Variants in TSPYL6 observed in about 807,000 individuals in gnomAD.
TSPYL6 encodes TSPY like 6, also known as testis-specific Y-encoded-like protein 6.
For missense variants in TSPYL6, 699 were observed against 531.5 expected, an observed-to-expected ratio of 1.32 and a Z score of -3.10; for synonymous variants, 259 against 214.8, an observed-to-expected ratio of 1.21 and a Z score of -1.80.
At chr2:54,255,596 C>A in the TSPYL6 span, 1 of 1,613,622 alleles carries the variant, frequency 6.2e-7, no homozygotes, top group Non-Finnish European at 8.5e-7. Flanking sequence ...GGCCCTGCCT[C>A]CCTGTTTACC....
rs1347956550 is a variant in TSPYL6 at position 54,253,885 on chromosome 2, A to G, written c.*1034T>C. On this transcript the variant is annotated 3_prime_UTR_variant, in exon 1 of 1. Transcript: ENST00000317802. Reference sequence around the variant, plus strand: ...AGAACAGCCTGCCTCTGGACATGACAAAGAGAGCCAAGAAACTAAAAAGCC... The same window carrying G: ...AGAACAGCCTGCCTCTGGACATGACGAAGAGAGCCAAGAAACTAAAAAGCC... The G allele has an allele frequency of 6.6e-6, 1 of 152,248 alleles. No homozygotes were observed. 9.4% of individuals were successfully genotyped at this position (152,248 alleles called of 1,614,324 possible).
chr2:54,255,201 G>A lies in TSPYL6; in HGVS notation c.951C>T (p.Ser317=). 6.2e-7 allele frequency: 1 copy of A among 1,614,166 alleles called. No homozygotes were observed. The highest frequency in any genetic ancestry group is 8.5e-7 in the Non-Finnish European group (1 of 1,180,032). Residue 317 remains serine, a synonymous_variant, in exon 1 of 1, where the codon TCC becomes TCT. Coordinates refer to ENST00000317802, the MANE Select transcript of TSPYL6 (RefSeq NM_001003937.3). ...KLIVKVYEVR[S]FGQVVSFSTL... The stretch of plus-strand genomic sequence containing the variant: ...TGGAAAAAGACACCACTTGGCCGAA[G>A]GATCTGACCTCATACACCTTTACAA...
chr2:54,255,949 C>T lies in TSPYL6; in HGVS notation c.203G>A (p.Gly68Asp). ...ATCGACCAAGATGTGGAAAGTATGG[C>T]CACCATCTGCGGGATCCTGGGGCGC... ...GVAPQDPADG[G>D]HTFHILVDAG... The change falls in exon 1 of 1, where the codon GGC (glycine) becomes GAC (aspartate). Residue 68 changes from glycine (G) to aspartate (D), a missense_variant. Gly to Asp is a moderately conservative substitution (Grantham distance 94, BLOSUM62 -1). Transcript: ENST00000317802. 6.2e-7 allele frequency: 1 copy of T among 1,614,100 alleles called. No homozygotes were observed. The highest frequency in any genetic ancestry group is 8.5e-7 in the Non-Finnish European group (1 of 1,180,010).
Position 54,254,786 on chromosome 2 carries a change from G to A in TSPYL6, c.*133C>T, listed in dbSNP as rs1312337340. ...GTCTCAATCTTCAGGTTGAGAGAAC[G>A]GAAAGTTTAAACAGAGGGTACAGGA... On this transcript the variant is annotated 3_prime_UTR_variant, in exon 1 of 1. Coordinates refer to ENST00000317802, the MANE Select transcript of TSPYL6 (RefSeq NM_001003937.3). 1.2e-5 allele frequency: 10 copies of A among 849,306 alleles called. No individual in the cohort carries two copies. Among genetic ancestry groups the A allele is most frequent in the South Asian group, 1.8e-5 (1 of 54,080 alleles). 52.6% of individuals were successfully genotyped at this position (849,306 alleles called of 1,614,324 possible).
In TSPYL6 at chr2:54,255,738, C is replaced by T; in HGVS notation, c.414G>A (p.Glu138=). 5.0e-6 allele frequency: 8 copies of T among 1,614,012 alleles called. No individual in the cohort carries two copies. The highest frequency in any genetic ancestry group is 6.8e-6 in the Non-Finnish European group (8 of 1,180,044). Residue 138 remains glutamate, a synonymous_variant, in exon 1 of 1, where the codon GAG becomes GAA. Transcript: ENST00000317802. ...ALETCGAGRS[E]SEVIAEGKAE... is the part of the protein sequence containing the mutation. ...CCTTCCCCTCTGCAATCACTTCAGA[C>T]TCCGACCTCCCTGCCCCACAGGTTT... is the stretch of plus-strand genomic sequence containing the variant.
Position 54,255,144 on chromosome 2 carries a change from G to C in TSPYL6, c.1008C>G (p.Pro336=), listed in dbSNP as rs771386088. 1.2e-6 allele frequency: 2 copies of C among 1,614,006 alleles called. No homozygotes were observed. The highest frequency in any genetic ancestry group is 2.2e-5 in the East Asian group (1 of 44,880). The change falls in exon 1 of 1, where the codon CCC becomes CCG. Residue 336 remains proline (P), a synonymous_variant. Coordinates refer to ENST00000317802, the MANE Select transcript of TSPYL6 (RefSeq NM_001003937.3). Reference sequence around the variant, plus strand: ...GTCGGTTCCTATGAATGAAGGACTGGGGTCCATGGCCCCGGCGCCACATGA... The same window carrying C: ...GTCGGTTCCTATGAATGAAGGACTGCGGTCCATGGCCCCGGCGCCACATGA... ...TLIMWRRGHG[P]QSFIHRNRHV...
In TSPYL6 at chr2:54,255,785, G is replaced by C; in HGVS notation, c.367C>G (p.Leu123Val). 6.2e-7 allele frequency: 1 copy of C among 1,613,798 alleles called. No individual in the cohort carries two copies. The highest frequency in any genetic ancestry group is 1.1e-5 in the South Asian group (1 of 91,076). ...NGFPGEETHG[L>V]GGEKALETCG... is the part of the protein sequence containing the mutation. ...GTTTCTAGAGCCTTCTCCCCACCTAGGCCGTGCGTCTCTTCACCCGGAAAG... is the reference window on the plus strand; with the variant it reads ...GTTTCTAGAGCCTTCTCCCCACCTACGCCGTGCGTCTCTTCACCCGGAAAG... The change falls in exon 1 of 1, where the codon CTA becomes GTA. Residue 123 changes from leucine to valine, a missense_variant. By Grantham distance (32) the Leu-to-Val change is conservative (BLOSUM62 1). Coordinates refer to ENST00000317802, the MANE Select transcript of TSPYL6 (RefSeq NM_001003937.3).
chr2:54,253,955 AG>A lies in TSPYL6; in HGVS notation c.*963del, dbSNP rs1256766756. The A allele has an allele frequency of 2.6e-5, 4 of 152,210 alleles. No individual in the cohort carries two copies. The highest frequency in any genetic ancestry group is 9.6e-5 in the African/African-American group (4 of 41,454). The allele number at this position is 152,210 out of a possible 1,614,324, so 9.4% of individuals were successfully genotyped here. A position where few individuals can be genotyped will look rare whatever the true frequency, so the allele number is the denominator to read the frequency against. On this transcript the variant is annotated 3_prime_UTR_variant, in exon 1 of 1. Coordinates refer to ENST00000317802, the MANE Select transcript of TSPYL6 (RefSeq NM_001003937.3). The stretch of plus-strand genomic sequence containing the variant: ...GAACTACTACTTTTGTTTTTTTTAA[AG>A]GAAGACAGAAGAGATTTATGAGAGA...
chr2:54,254,661 C>T lies in TSPYL6; in HGVS notation c.*258G>A, dbSNP rs868573791. 1.5e-5 allele frequency: 7 copies of T among 460,952 alleles called. No homozygotes were observed. Among genetic ancestry groups the T allele is most frequent in the East Asian group, 1.1e-4 (3 of 28,368 alleles). The allele number at this position is 460,952 out of a possible 1,614,324, so 28.6% of individuals were successfully genotyped here. A position where few individuals can be genotyped will look rare whatever the true frequency, so the allele number is the denominator to read the frequency against. The stretch of plus-strand genomic sequence containing the variant: ...ATACAGTGTAACCTACAGCATCATT[C>T]GCTTCGCTTAGAAGGATGTGACCCA... On this transcript the variant is annotated 3_prime_UTR_variant, in exon 1 of 1. Coordinates refer to ENST00000317802, the MANE Select transcript of TSPYL6 (RefSeq NM_001003937.3).
rs868790368 is a variant in TSPYL6 at position 54,255,155 on chromosome 2, C to T, written c.997G>A (p.Gly333Ser). Residue 333 changes from glycine (G) to serine (S), a missense_variant, in exon 1 of 1, where the codon GGC becomes AGC. Transcript: ENST00000317802. ...SFSTLIMWRR[G>S]HGPQSFIHRN... ...TGAATGAAGGACTGGGGTCCATGGC[C>T]CCGGCGCCACATGATTAGAGTGGAA... 3 of 1,614,116 alleles carry T rather than the reference C, an allele frequency of 1.9e-6. No homozygotes were observed. Among genetic ancestry groups the T allele is most frequent in the Non-Finnish European group, 2.5e-6 (3 of 1,180,028 alleles).
At position 54,253,240 on chromosome 2, in the gene TSPYL6, A is replaced by G. The variant is rs1024785983; in HGVS notation, c.*1679T>C. The G allele has an allele frequency of 2.0e-5, 3 of 152,252 alleles. No homozygotes were observed. The highest frequency in any genetic ancestry group is 7.2e-5 in the African/African-American group (3 of 41,464). The allele number at this position is 152,252 out of a possible 1,614,324, so 9.4% of individuals were successfully genotyped here. On this transcript the variant is annotated 3_prime_UTR_variant, in exon 1 of 1. Coordinates refer to ENST00000317802, the MANE Select transcript of TSPYL6 (RefSeq NM_001003937.3). ...AATAGTTTCCAGTCTTCCGCATCAGATAAGACCAAGTTATTCAAATTAAAA... is the reference window on the plus strand; with the variant it reads ...AATAGTTTCCAGTCTTCCGCATCAGGTAAGACCAAGTTATTCAAATTAAAA...
Position 54,255,850 on chromosome 2 carries a change from G to T in TSPYL6, c.302C>A (p.Ala101Asp). The T allele has an allele frequency of 6.2e-7, 1 of 1,613,986 alleles. No homozygotes were observed. Among genetic ancestry groups the T allele is most frequent in the Non-Finnish European group, 8.5e-7 (1 of 1,180,016 alleles). Reference protein sequence around the residue: ...TPPPAEGLEAASASLTTDGSL... With the variant: ...TPPPAEGLEADSASLTTDGSL... ...GCCGTCAGTTGTCAGCGAGGCAGAG[G>T]CCGCTTCTAGGCCCTCCGCGGGTGG... The change falls in exon 1 of 1, where the codon GCC becomes GAC. Residue 101 changes from alanine to aspartate, a missense_variant. By Grantham distance (126) the Ala-to-Asp change is moderately radical. Transcript: ENST00000317802.
Position 54,253,975 on chromosome 2 carries a change from TGA to T in TSPYL6, c.*942_*943del, listed in dbSNP as rs982167726. 6.6e-6 allele frequency: 1 copy of T among 152,184 alleles called. No homozygotes were observed. The highest frequency in any genetic ancestry group is 6.5e-5 in the Admixed American group (1 of 15,282). The allele number at this position is 152,184 out of a possible 1,614,324, so 9.4% of individuals were successfully genotyped here. A position where few individuals can be genotyped will look rare whatever the true frequency, so the allele number is the denominator to read the frequency against. On this transcript the variant is annotated 3_prime_UTR_variant, in exon 1 of 1. Coordinates refer to ENST00000317802, the MANE Select transcript of TSPYL6 (RefSeq NM_001003937.3). ...TTTAAAGGAAGACAGAAGAGATTTATGAGAGATGAGAGAAAAGAAAGTGTACA... is the reference window on the plus strand; with the variant it reads ...TTTAAAGGAAGACAGAAGAGATTTATGAGATGAGAGAAAAGAAAGTGTACA...
rs906369123 is a variant in TSPYL6 at position 54,253,243 on chromosome 2, A to G, written c.*1676T>C. The G allele has an allele frequency of 6.6e-6, 1 of 152,264 alleles. No individual in the cohort carries two copies. The highest frequency in any genetic ancestry group is 2.4e-5 in the African/African-American group (1 of 41,480). 9.4% of individuals were successfully genotyped at this position (152,264 alleles called of 1,614,324 possible). On this transcript the variant is annotated 3_prime_UTR_variant, in exon 1 of 1. Coordinates refer to ENST00000317802, the MANE Select transcript of TSPYL6 (RefSeq NM_001003937.3). ...AGTTTCCAGTCTTCCGCATCAGATA[A>G]GACCAAGTTATTCAAATTAAAATGT... is the stretch of plus-strand genomic sequence containing the variant.
At position 54,255,573 on chromosome 2, in the gene TSPYL6, GGGCCCGGGCCCA is replaced by G. The variant is rs1558647257; in HGVS notation, c.567_578del (p.Gly192_Pro195del). The G allele has an allele frequency of 1.9e-6, 3 of 1,569,146 alleles. No individual in the cohort carries two copies. Among genetic ancestry groups the G allele is most frequent in the Non-Finnish European group, 2.6e-6 (3 of 1,161,222 alleles). On this transcript the variant is annotated inframe_deletion, in exon 1 of 1. Coordinates refer to ENST00000317802, the MANE Select transcript of TSPYL6 (RefSeq NM_001003937.3). ...GGTGGAGACCCACGTTCAGGGGCCC[GGGCCCGGGCCCA>G]GGCCCTGCCTCCCTGTTTACCTCAT...
At position 54,255,744 on chromosome 2, in the gene TSPYL6, C is replaced by A. The variant is rs187843016; in HGVS notation, c.408G>T (p.Arg136Ser). 1.5e-4 allele frequency: 239 copies of A among 1,614,002 alleles called. No homozygotes were observed. Among genetic ancestry groups the A allele is most frequent in the Admixed American group, 1.1e-3 (68 of 60,032 alleles). ...EKALETCGAGRSESEVIAEGK... is the reference protein window; with the variant it reads ...EKALETCGAGSSESEVIAEGK... ...CCTCTGCAATCACTTCAGACTCCGA[C>A]CTCCCTGCCCCACAGGTTTCTAGAG... Residue 136 changes from arginine to serine, a missense_variant, in exon 1 of 1, where the codon AGG (arginine) becomes AGT (serine). Arg to Ser is a moderately radical substitution (Grantham distance 110, BLOSUM62 -1). Transcript: ENST00000317802.
At position 54,253,705 on chromosome 2, in the gene TSPYL6, A is replaced by T. The variant is rs916213248; in HGVS notation, c.*1214T>A. 1 of 152,270 alleles carries T rather than the reference A, an allele frequency of 6.6e-6. No homozygotes were observed. The highest frequency in any genetic ancestry group is 2.4e-5 in the African/African-American group (1 of 41,462). The allele number at this position is 152,270 out of a possible 1,614,324, so 9.4% of individuals were successfully genotyped here. On this transcript the variant is annotated 3_prime_UTR_variant, in exon 1 of 1. Transcript: ENST00000317802. ...TTTCCCTGCCTAGAGCACCCATCAC[A>T]ATCTCTTTAGTTCTTCTATCCACTC...
At position 54,255,909 on chromosome 2, in the gene TSPYL6, A is replaced by G. The variant is rs747812434; in HGVS notation, c.243T>C (p.His81=). The G allele has an allele frequency of 1.9e-6, 3 of 1,613,944 alleles. No homozygotes were observed. The highest frequency in any genetic ancestry group is 2.2e-5 in the South Asian group (2 of 91,090). The change falls in exon 1 of 1, where the codon CAT becomes CAC. Residue 81 remains histidine, a synonymous_variant. Transcript: ENST00000317802. ...CTTCCTGCCCCGCTTTGATGGCTCC[A>G]TGACTGCGACCCGCATCGACCAAGA... The part of the protein sequence containing the change: ...FHILVDAGRS[H]GAIKAGQEVT...
rs1419198572 is a variant in TSPYL6 at position 54,256,065 on chromosome 2, C to T, written c.87G>A (p.Lys29=). 7.4e-6 allele frequency: 12 copies of T among 1,614,080 alleles called. No individual in the cohort carries two copies. Among genetic ancestry groups the T allele is most frequent in the Non-Finnish European group, 1.0e-5 (12 of 1,180,056 alleles). ...DPHQGQRSRE[K]SKATEVMADM... The stretch of plus-strand genomic sequence containing the variant: ...CTGCCATTACCTCTGTCGCCTTGCT[C>T]TTTTCTCGGGACCTCTGGCCCTGGT... The change falls in exon 1 of 1, where the codon AAG becomes AAA. Residue 29 remains lysine, a synonymous_variant. Coordinates refer to ENST00000317802, the MANE Select transcript of TSPYL6 (RefSeq NM_001003937.3).
Sources: gnomAD v4.1 joint callset for allele counts on GRCh38, gnomAD v4.1.1 for gene constraint, MANE v1.5 for transcripts, NCBI Gene and HGNC (gene_info 2026-07-23, HGNC 2026-07-21) for gene names.